The following FAM111B variants were observed in gnomAD, a reference collection of about 807,000 sequenced individuals.
The protein encoded by FAM111B is serine protease FAM111B.
In FAM111B, 1 loss-of-function variant was observed where a neutral mutation model predicts 2.8. The ratio of observed to expected loss-of-function variants is 0.36; its 90% CI spans 0.13 to 1.70. The LOEUF (loss-of-function observed/expected upper bound fraction) is 1.70, where lower values mean the gene tolerates loss of function less well. Among genes scored for constraint, FAM111B ranks in the 40% most tolerant of loss-of-function variants. The probability of loss-of-function intolerance (pLI) is 0.35; values close to 1 mark genes in which losing one functional copy is unlikely to be tolerated. For missense variants in FAM111B, 882 were observed against 878.9 expected (o/e 1.00, Z -0.04); for synonymous variants, 297 against 295.6 (o/e 1.00, Z -0.05).
intron 3 of FAM111B, among the ~76,000 whole-genome samples, chr11:59,112,239 A>G (rs1405972022): frequency 2.0e-5 from 3 of 152,226 alleles, no homozygotes; most frequent in Non-Finnish European, 4.4e-5. Flanking sequence ...CCAGAACATC[A>G]TATAAATGGA....
At chr11:59,117,795 C>T (rs1276094215) in intron 3 of FAM111B, among the ~76,000 whole-genome samples, 3 of 152,224 alleles carry the variant, frequency 2.0e-5, no homozygotes, top group Admixed American at 6.5e-5. Flanking sequence ...AATCTTCCTC[C>T]TGTTACCAGT....
intron 3 of FAM111B, among the ~76,000 whole-genome samples, chr11:59,121,331 T>G (rs1859918415): frequency 6.6e-6 from 1 of 152,168 alleles, no homozygotes; most frequent in South Asian, 2.1e-4. Flanking sequence ...TTTTAGAGAC[T>G]GAAGTGTGAA....
rs1859968481 is a variant in FAM111B at position 59,124,195 on chromosome 11, A to G, written c.98A>G (p.Gln33Arg). 1.2e-6 allele frequency: 2 copies of G among 1,610,202 alleles called. No homozygotes were observed. The highest frequency in any genetic ancestry group is 1.3e-5 in the African/African-American group (1 of 74,832). Residue 33 changes from glutamine to arginine, a missense_variant, in exon 4 of 4, where the codon CAG becomes CGG. Transcript: ENST00000343597. ...PEVSKDTVMK[Q>R]THADTPVDHC... ...CTTTTTAAGGATACTGTCATGAAGC[A>G]GACACATGCTGACACACCTGTTGAT...
chr11:59,124,915 C>G lies in FAM111B; in HGVS notation c.818C>G (p.Ala273Gly). 2 of 1,596,982 alleles carry G rather than the reference C, an allele frequency of 1.3e-6. No individual in the cohort carries two copies. The change falls in exon 4 of 4, where the codon GCA becomes GGA. Residue 273 changes from alanine (A) to glycine (G), a missense_variant. Transcript: ENST00000343597. ...GAAATGGACATTTCAAAAAAAAAAG[C>G]ATTACAACAGAAAGATATCCATAAA... ...VLEMDISKKKALQQKDIHKKI... is the reference protein window; with the variant it reads ...VLEMDISKKKGLQQKDIHKKI...
intron 1 of FAM111B, among the ~76,000 whole-genome samples, chr11:59,108,045 C>A (rs1340735876): frequency 2.6e-5 from 4 of 152,210 alleles, no homozygotes; most frequent in African/African-American, 9.6e-5. Flanking sequence ...ACTTGGTGCG[C>A]CTTTGAGGCG....
chr11:59,124,350 T>C lies in FAM111B; in HGVS notation c.253T>C (p.Leu85=), dbSNP rs1345332284. ...TAAAGAATGTTGTTTCACCTTTACG[T>C]TGAATGGAAACTCCAGAAAATTAGA... ...NNKECCFTFT[L]NGNSRKLDRS... is the part of the protein sequence containing the mutation. The change falls in exon 4 of 4, where the codon TTG becomes CTG. Residue 85 remains leucine (L), a synonymous_variant. Transcript: ENST00000343597. The C allele has an allele frequency of 1.2e-6, 2 of 1,613,804 alleles. No individual in the cohort carries two copies. The highest frequency in any genetic ancestry group is 1.7e-6 in the Non-Finnish European group (2 of 1,179,808).
At chr11:59,111,773 G>C (rs914471292) in intron 3 of FAM111B, among the ~76,000 whole-genome samples, 1 of 152,084 alleles carries the variant, frequency 6.6e-6, no homozygotes, top group African/African-American at 2.4e-5. Context: ...AACAGAACTA[G>C]AGTATAAAAC....
Position 59,109,576 on chromosome 11 carries a change from C to G in FAM111B, c.-50C>G. ...GGCAGAATAAATTCAATCCTTGTTT[C>G]TCCATCTTATCGAGTAGTAGAAGTT... On this transcript the variant is annotated 5_prime_UTR_variant, in exon 3 of 4. Coordinates refer to ENST00000343597, the MANE Select transcript of FAM111B (RefSeq NM_198947.4). 7.9e-7 allele frequency: 1 copy of G among 1,266,498 alleles called. No individual in the cohort carries two copies. The highest frequency in any genetic ancestry group is 1.4e-5 in the South Asian group (1 of 68,974). 78.5% of individuals were successfully genotyped at this position (1,266,498 alleles called of 1,614,324 possible). A position where few individuals can be genotyped will look rare whatever the true frequency, so the allele number is the denominator to read the frequency against.
rs1021312103 is a variant in FAM111B, at chr11:59,124,844, T to C, written c.747T>C (p.Ile249=). Residue 249 remains isoleucine, a synonymous_variant, in exon 4 of 4, where the codon ATT becomes ATC. Coordinates refer to ENST00000343597, the MANE Select transcript of FAM111B (RefSeq NM_198947.4). ...AACTAAAGGAAGGTCATAAGAAAAT[T>C]TATGGAAAACAGTCCATGGTGGATG... The part of the protein sequence containing the change: ...EWKLKEGHKK[I]YGKQSMVDEV... 1.9e-6 allele frequency: 3 copies of C among 1,613,602 alleles called. No individual in the cohort carries two copies. Among genetic ancestry groups the C allele is most frequent in the Non-Finnish European group, 2.5e-6 (3 of 1,179,834 alleles).
In FAM111B at chr11:59,126,283, T is replaced by C. The variant is rs555927542; in HGVS notation, c.2186T>C (p.Ile729Thr). ...KQESSLQDHQ[I>T]EPMEC Reference sequence around the variant, plus strand: ...GAGTCATCACTTCAAGATCATCAGATTGAACCCATGGAATGTTAGAAAAGA... The same window carrying C: ...GAGTCATCACTTCAAGATCATCAGACTGAACCCATGGAATGTTAGAAAAGA... The change falls in exon 4 of 4, where the codon ATT becomes ACT. Residue 729 changes from isoleucine (I) to threonine (T), a missense_variant. Coordinates refer to ENST00000343597, the MANE Select transcript of FAM111B (RefSeq NM_198947.4). The C allele has an allele frequency of 6.5e-7, 1 of 1,542,774 alleles. No individual in the cohort carries two copies. The highest frequency in any genetic ancestry group is 2.3e-5 in the East Asian group (1 of 44,252).
chr11:59,109,814 C>T, intron 3 of FAM111B, 108 bp downstream of exon 3: 2 of 612,464 alleles, frequency 3.3e-6, no homozygotes, highest in Non-Finnish European at 5.3e-6. Flanking sequence ...AAGCCCTTCT[C>T]TTAGGTAGTT....
intron 3 of FAM111B, among the ~76,000 whole-genome samples, chr11:59,122,789 T>G (rs570478244): frequency 9.9e-5 from 15 of 152,226 alleles, no homozygotes; most frequent in African/African-American, 3.6e-4. Flanking sequence ...TATGAAAACA[T>G]GAGGTGATAG....
chr11:59,120,350 C>A (rs904969979), intron 3 of FAM111B, among the ~76,000 whole-genome samples: 16 of 152,174 alleles, frequency 1.1e-4, no homozygotes, highest in African/African-American at 3.6e-4. Flanking sequence ...TTGCGTCCCC[C>A]ACAATTCATA....
At chr11:59,109,476 A>G in intron 2 of FAM111B, 64 bp from the exon 3 acceptor site, 2 of 542,056 alleles carry the variant, frequency 3.7e-6, no homozygotes, top group South Asian at 2.5e-5. Context: ...GAGGTCCCAC[A>G]CCACCTGATC....
Position 59,124,937 on chromosome 11 carries a change from T to TA in FAM111B, c.847dup (p.Ile283AsnfsTer2), listed in dbSNP as rs766832243. Reference sequence around the variant, plus strand: ...AAGCATTACAACAGAAAGATATCCATAAAAAAATTAAACAGAATGAAAGTG... The same window carrying TA: ...AAGCATTACAACAGAAAGATATCCATAAAAAAAATTAAACAGAATGAAAGTG... On this transcript the variant is annotated frameshift_variant, in exon 4 of 4. Coordinates refer to ENST00000343597, the MANE Select transcript of FAM111B (RefSeq NM_198947.4). LOFTEE classifies it low-confidence loss of function (END_TRUNC). The TA allele has an allele frequency of 1.9e-6, 3 of 1,604,574 alleles. No homozygotes were observed. The highest frequency in any genetic ancestry group is 3.4e-5 in the Admixed American group (2 of 58,090).
chr11:59,124,898 C>T lies in FAM111B; in HGVS notation c.801C>T (p.Asp267=), dbSNP rs766760952. ...DEVSGKVLEM[D]ISKKKALQQK... ...TATCTGGAAAAGTCTTAGAAATGGA[C>T]ATTTCAAAAAAAAAAGCATTACAAC... Residue 267 remains aspartate, a synonymous_variant, in exon 4 of 4, where the codon GAC becomes GAT. Coordinates refer to ENST00000343597, the MANE Select transcript of FAM111B (RefSeq NM_198947.4). The T allele has an allele frequency of 1.3e-6, 2 of 1,591,830 alleles. No homozygotes were observed. Among genetic ancestry groups the T allele is most frequent in the African/African-American group, 1.4e-5 (1 of 72,618 alleles).
In FAM111B at chr11:59,125,573, A is replaced by G. The variant is rs1860011447; in HGVS notation, c.1476A>G (p.Val492=). Residue 492 remains valine, a synonymous_variant, in exon 4 of 4, where the codon GTA becomes GTG. Transcript: ENST00000343597. The stretch of plus-strand genomic sequence containing the variant: ...ATATTTTCACCTGTCGACATGTTGT[A>G]CATCTTATGGTGGGTAAAAACACAC... ...GGYIFTCRHV[V]HLMVGKNTHP... is the part of the protein sequence containing the mutation. The G allele has an allele frequency of 2.5e-6, 4 of 1,613,892 alleles. No homozygotes were observed. Among genetic ancestry groups the G allele is most frequent in the Non-Finnish European group, 3.4e-6 (4 of 1,179,812 alleles).
intron 3 of FAM111B, among the ~76,000 whole-genome samples, chr11:59,114,516 G>A (rs1223645182): frequency 6.6e-6 from 1 of 152,168 alleles, no homozygotes; most frequent in African/African-American, 2.4e-5. Context: ...AAACTGTGGA[G>A]GCCAGAGAGG....
Position 59,124,976 on chromosome 11 carries a change from T to G in FAM111B, c.879T>G (p.Ile293Met), listed in dbSNP as rs1410948441. The G allele has an allele frequency of 6.2e-7, 1 of 1,610,408 alleles. No homozygotes were observed. Reference protein sequence around the residue: ...IKQNESATDEINHQSLIQSKK... With the variant: ...IKQNESATDEMNHQSLIQSKK... ...AGAATGAAAGTGCCACTGATGAAAT[T>G]AATCACCAGAGTCTGATACAGTCTA... The change falls in exon 4 of 4, where the codon ATT (isoleucine) becomes ATG (methionine). Residue 293 changes from isoleucine (I) to methionine (M), a missense_variant. Coordinates refer to ENST00000343597, the MANE Select transcript of FAM111B (RefSeq NM_198947.4).
Sources: gnomAD v4.1 joint callset for allele counts (sites outside exome capture counted in the v4.1 genomes callset) on GRCh38, gnomAD v4.1.1 for gene constraint, MANE v1.5 for transcripts, NCBI Gene and HGNC (gene_info 2026-07-23, HGNC 2026-07-21) for gene names.